SELENOF: variants seen among roughly 807,000 people sequenced by gnomAD.
SELENOF encodes the protein selenoprotein F.
A neutral mutation model predicts 20.5 loss-of-function variants in SELENOF; 16 were observed. The ratio of observed to expected loss-of-function variants is 0.78; its 90% CI spans 0.53 to 1.19. The LOEUF (loss-of-function observed/expected upper bound fraction) is 1.19. Ranked by LOEUF, SELENOF falls within the 50% of genes most tolerant of loss-of-function variation. SELENOF has a pLI of 0.00. For missense variants in SELENOF, 215 were observed against 194.2 expected, an observed-to-expected ratio of 1.11 and a Z score of -0.64; for synonymous variants, 78 against 74.5, an observed-to-expected ratio of 1.05 and a Z score of -0.24.
chr1:86,885,448 G>A (rs1225898066), intron 2 of SELENOF, among the ~76,000 whole-genome samples: 4 of 152,090 alleles, frequency 2.6e-5, no homozygotes, highest in Admixed American at 1.3e-4. Flanking sequence ...GGTGACACTT[G>A]AGAATTACAC....
At chr1:86,906,751 G>A (rs1227433889) in intron 1 of SELENOF, among the ~76,000 whole-genome samples, 1 of 152,186 alleles carries the variant, frequency 6.6e-6, no homozygotes, top group Non-Finnish European at 1.5e-5. Flanking sequence ...TTCAACTGAG[G>A]TCTGAGACAT....
At chr1:86,906,838 T>C (rs1235953369) in intron 1 of SELENOF, among the ~76,000 whole-genome samples, 2 of 152,202 alleles carry the variant, frequency 1.3e-5, no homozygotes, top group East Asian at 3.8e-4. Context: ...AAATAATCAA[T>C]TGTTTTACGT....
intron 2 of SELENOF, among the ~76,000 whole-genome samples, chr1:86,888,358 A>G (rs1412331589): frequency 2.0e-5 from 3 of 152,192 alleles, no homozygotes; most frequent in Non-Finnish European, 4.4e-5. Context: ...TGGTAATACT[A>G]AAAGTATTTT....
chr1:86,905,889 T>C (rs1368982855), intron 1 of SELENOF, among the ~76,000 whole-genome samples: 1 of 152,222 alleles, frequency 6.6e-6, no homozygotes, highest in Non-Finnish European at 1.5e-5. Context: ...AATGTGTCTG[T>C]GTTCCAATGA....
chr1:86,884,425 TGTG>T (rs1417394659), intron 2 of SELENOF, among the ~76,000 whole-genome samples: 1 of 152,082 alleles, frequency 6.6e-6, no homozygotes, highest in African/African-American at 2.4e-5. Context: ...ATATATGATT[TGTG>T]GTGTTCACTG....
chr1:86,899,546 A>AC (rs1216170636), intron 2 of SELENOF, among the ~76,000 whole-genome samples: 6 of 125,980 alleles, frequency 4.8e-5, no homozygotes, highest in South Asian at 2.7e-4. Flanking sequence ...CGGGGGGCTG[A>AC]CCCCCCACCT....
intron 3 of SELENOF, among the ~76,000 whole-genome samples, chr1:86,870,200 A>T (rs984968328): frequency 2.0e-4 from 30 of 152,218 alleles, no homozygotes; most frequent in African/African-American, 7.2e-4. Context: ...TTTTTACTTT[A>T]GAATTAGATA....
chr1:86,880,617 T>C (rs1292495421), intron 3 of SELENOF, 45 bp downstream of exon 3: 7 of 1,079,272 alleles, frequency 6.5e-6, no homozygotes, highest in Non-Finnish European at 9.4e-6. Flanking sequence ...CATAAAATGT[T>C]GATTTTAAAT....
chr1:86,887,126 C>G (rs1193353897), intron 2 of SELENOF: 2 of 1,514,072 alleles, frequency 1.3e-6, no homozygotes, highest in Non-Finnish European at 1.8e-6. Flanking sequence ...CTTCCCCATA[C>G]TTTCTGATTA....
At chr1:86,905,008 TA>T (rs1417777481) in intron 1 of SELENOF, among the ~76,000 whole-genome samples, 2 of 152,236 alleles carry the variant, frequency 1.3e-5, no homozygotes, top group African/African-American at 2.4e-5. Flanking sequence ...ATATCACATT[TA>T]GGTGTTGAAT....
intron 2 of SELENOF, 85 bp from the exon 3 acceptor site, chr1:86,880,810 A>G (rs1254107016): frequency 1.1e-6 from 1 of 870,006 alleles, no homozygotes; most frequent in African/African-American, 1.7e-5. Context: ...CACAGTATAA[A>G]CATTACAGTT....
At chr1:86,877,660 A>T (rs1424258295) in intron 3 of SELENOF, among the ~76,000 whole-genome samples, 1 of 152,154 alleles carries the variant, frequency 6.6e-6, no homozygotes, top group Non-Finnish European at 1.5e-5. Flanking sequence ...CTCAATTTGT[A>T]CTACATTATT....
At chr1:86,879,696 CT>C (rs975872197) in intron 3 of SELENOF, among the ~76,000 whole-genome samples, 1 of 152,082 alleles carries the variant, frequency 6.6e-6, no homozygotes, top group African/African-American at 2.4e-5. Flanking sequence ...GCGTTATTAC[CT>C]TCAGACAAGT....
chr1:86,864,596 G>C (rs1205868057), intron 4 of SELENOF, among the ~76,000 whole-genome samples: 3 of 151,390 alleles, frequency 2.0e-5, no homozygotes, highest in Non-Finnish European at 4.4e-5. Flanking sequence ...CCAGGCTAAT[G>C]AATCAATAAT....
chr1:86,875,411 T>A (rs759978966), intron 3 of SELENOF, among the ~76,000 whole-genome samples: 31 of 152,072 alleles, frequency 2.0e-4, no homozygotes, highest in Non-Finnish European at 3.5e-4. Flanking sequence ...AACTAAAAAA[T>A]TATGACTTTT....
At chr1:86,873,206 GAGATCCC>G (rs372748438) in intron 3 of SELENOF, among the ~76,000 whole-genome samples, 13 of 151,664 alleles carry the variant, frequency 8.6e-5, no homozygotes, top group African/African-American at 3.1e-4. Flanking sequence ...GCAGTGAGCC[GAGATCCC>G]GCCACTGCAC....
At chr1:86,865,975 G>A (rs1188718245) in intron 4 of SELENOF, among the ~76,000 whole-genome samples, 1 of 151,878 alleles carries the variant, frequency 6.6e-6, no homozygotes, top group African/African-American at 2.4e-5. Flanking sequence ...CAGGAGGATC[G>A]CCCGAGCCCA....
intron 1 of SELENOF, among the ~76,000 whole-genome samples, chr1:86,908,110 G>C (rs1292546051): frequency 6.6e-6 from 1 of 152,102 alleles, no homozygotes; most frequent in Admixed American, 6.6e-5. Flanking sequence ...CAGAGAAACT[G>C]GGTTAACTGT....
intron 3 of SELENOF, among the ~76,000 whole-genome samples, chr1:86,872,972 G>A (rs774874364): frequency 3.4e-4 from 52 of 151,794 alleles, no homozygotes; most frequent in Non-Finnish European, 6.3e-4. Context: ...CCTGGGAGGC[G>A]GAGCTTGCAG....
Sources: allele counts gnomAD v4.1 joint callset (sites outside exome capture counted in the v4.1 genomes callset), GRCh38; gene constraint gnomAD v4.1.1; transcripts MANE v1.5; gene names NCBI Gene and HGNC (gene_info 2026-07-23, HGNC 2026-07-21).